Variants in MRTFB observed in about 807,000 individuals in gnomAD.
MRTFB encodes the protein myocardin related transcription factor B, also known as myocardin-related transcription factor B.
MRTFB carries 29 observed loss-of-function variants against 104.2 expected under a neutral mutation model. That is an observed-to-expected ratio of 0.28 (90% CI 0.21 to 0.38). The LOEUF (loss-of-function observed/expected upper bound fraction) is 0.38, where lower values mean the gene tolerates loss of function less well. Among genes scored for constraint, MRTFB ranks in the 10% least tolerant of loss-of-function variants. The pLI is 1.00. For missense variants in MRTFB, 1,270 were observed against 1,341.6 expected (o/e 0.95, Z 0.83); for synonymous variants, 535 against 519.5 (o/e 1.03, Z -0.41).
At chr16:14,258,844 A>G (rs1459127633) in intron 16 of MRTFB, among the ~76,000 whole-genome samples, 1 of 152,262 alleles carries the variant, frequency 6.6e-6, no homozygotes, top group African/African-American at 2.4e-5. Flanking sequence ...TTAAAAAGAG[A>G]CATTAGCCAC....
chr16:14,125,476 T>G (rs1220826398), intron 2 of MRTFB, among the ~76,000 whole-genome samples: 1 of 152,244 alleles, frequency 6.6e-6, no homozygotes, highest in African/African-American at 2.4e-5. Context: ...GCGGGCAGCT[T>G]GGAGGGGAAC....
In MRTFB at chr16:14,243,977, A is replaced by G. The variant is rs377760468; in HGVS notation, c.1080-1551A>G. On this transcript the variant is annotated intron_variant, in intron 10 of 16. Coordinates refer to ENST00000571589, the MANE Select transcript of MRTFB (RefSeq NM_001308142.2). The stretch of plus-strand genomic sequence containing the variant: ...CGGGTTCACACCACCTCCAGGGTTC[A>G]CGCCATTCTCCTGCCTCAGCCTCCC... Among the ~76,000 whole-genome samples, 43 of 151,232 alleles carry G rather than the reference A, an allele frequency of 2.8e-4. No individual in the cohort carries two copies. In the East Asian group the frequency reaches 4.9e-3, roughly 17 times the overall value.
chr16:14,137,024 G>A (rs2037755359), intron 2 of MRTFB, among the ~76,000 whole-genome samples: 1 of 152,068 alleles, frequency 6.6e-6, no homozygotes. Flanking sequence ...CTAAGTGATT[G>A]TTTTACTTTT....
the MRTFB span, among the ~76,000 whole-genome samples, chr16:14,017,013 A>G: frequency 4.0e-4 from 61 of 151,766 alleles, no homozygotes; most frequent in African/African-American, 1.5e-3. Context: ...CCTTTCAAAT[A>G]GAACCTAGCT....
chr16:14,167,484 AGTTTATTTT>A (rs2039284100), intron 3 of MRTFB, among the ~76,000 whole-genome samples: 2 of 151,276 alleles, frequency 1.3e-5, no homozygotes, highest in African/African-American at 4.9e-5. Context: ...TAGTTTATTT[AGTTTATTTT>A]GCTCTTTAGT....
chr16:14,070,767 C>G (rs2033634034), upstream of MRTFB, among the ~76,000 whole-genome samples: 1 of 152,248 alleles, frequency 6.6e-6, no homozygotes, highest in Admixed American at 6.5e-5. Context: ...GGGGCTGTCA[C>G]TGAGGTGCAG....
chr16:14,031,571 G>T, the MRTFB span, among the ~76,000 whole-genome samples: 1 of 152,194 alleles, frequency 6.6e-6, no homozygotes, highest in East Asian at 1.9e-4. Flanking sequence ...AGGACCAAGC[G>T]TAAGTGGATT....
chr16:14,168,907 T>G (rs1199257825), intron 3 of MRTFB, among the ~76,000 whole-genome samples: 2 of 152,358 alleles, frequency 1.3e-5, no homozygotes, highest in East Asian at 3.9e-4. Context: ...GGGTGTGTGT[T>G]GATATCTCAT....
chr16:14,023,610 C>CATACATATACATATACAT, the MRTFB span, among the ~76,000 whole-genome samples: 6 of 106,976 alleles, frequency 5.6e-5, no homozygotes, highest in East Asian at 1.3e-3. Context: ...CACACACACA[C>CATACATATACATATACAT]ATACATATAC....
chr16:14,088,936 C>T (rs546172782), intron 2 of MRTFB, among the ~76,000 whole-genome samples: 1 of 152,250 alleles, frequency 6.6e-6, no homozygotes, highest in East Asian at 1.9e-4. Flanking sequence ...TTGCAAATTG[C>T]GTGCTTTTTT....
chr16:14,071,668 G>A (rs2033704541), intron 1 of MRTFB, among the ~76,000 whole-genome samples: 1 of 152,150 alleles, frequency 6.6e-6, no homozygotes, highest in Non-Finnish European at 1.5e-5. Context: ...TGGCAGCGGC[G>A]TTTATGGAGC....
At chr16:14,103,699 G>A (rs2035820632) in intron 2 of MRTFB, among the ~76,000 whole-genome samples, 1 of 152,236 alleles carries the variant, frequency 6.6e-6, no homozygotes, top group Non-Finnish European at 1.5e-5. Flanking sequence ...TCCAGCCAAG[G>A]ATTGGCATAA....
intron 2 of MRTFB, among the ~76,000 whole-genome samples, chr16:14,091,087 T>A (rs1382438268): frequency 1.3e-5 from 2 of 152,034 alleles, no homozygotes; most frequent in Non-Finnish European, 2.9e-5. Context: ...GGTGATTGGA[T>A]CACTCTAGTT....
At chr16:14,185,152 A>G (rs150820858) in intron 3 of MRTFB, among the ~76,000 whole-genome samples, 3 of 152,328 alleles carry the variant, frequency 2.0e-5, no homozygotes, top group East Asian at 1.9e-4. Context: ...GCTTGTCACT[A>G]TTTGTTCCTG....
chr16:14,165,513 G>A (rs1309438661), intron 3 of MRTFB, among the ~76,000 whole-genome samples: 2 of 152,130 alleles, frequency 1.3e-5, no homozygotes, highest in South Asian at 4.2e-4. Flanking sequence ...CCATGCGGCC[G>A]CCTTTGCCTT....
At chr16:14,238,161 GCTAGGGGTAT>G (rs2042605001) in intron 9 of MRTFB, among the ~76,000 whole-genome samples, 1 of 152,158 alleles carries the variant, frequency 6.6e-6, no homozygotes, top group South Asian at 2.1e-4. Context: ...GGTGGAGGTT[GCTAGGGGTAT>G]CTAATGTGTA....
the MRTFB span, among the ~76,000 whole-genome samples, chr16:14,044,008 C>T: frequency 6.6e-6 from 1 of 152,174 alleles, no homozygotes; most frequent in Non-Finnish European, 1.5e-5. Context: ...TGAACTGTCA[C>T]CTTATGAGAC....
chr16:14,039,082 A>G, the MRTFB span, among the ~76,000 whole-genome samples: 1 of 152,216 alleles, frequency 6.6e-6, no homozygotes, highest in Non-Finnish European at 1.5e-5. Flanking sequence ...AGCTACAATC[A>G]AAGATGAGAT....
chr16:14,139,286 T>C (rs1021840276), intron 2 of MRTFB, among the ~76,000 whole-genome samples: 24 of 152,226 alleles, frequency 1.6e-4, no homozygotes, highest in African/African-American at 5.5e-4. Flanking sequence ...AAAGAAGATA[T>C]AGGGATGGGA....
Sources: gnomAD v4.1 joint callset for allele counts (sites outside exome capture counted in the v4.1 genomes callset) on GRCh38, gnomAD v4.1.1 for gene constraint, MANE v1.5 for transcripts, NCBI Gene and HGNC (gene_info 2026-07-23, HGNC 2026-07-21) for gene names.